TGFBRAP1: variants seen among roughly 807,000 people sequenced by gnomAD.
The protein encoded by TGFBRAP1 is transforming growth factor-beta receptor-associated protein 1.
Under a neutral mutation model 83.2 loss-of-function variants are expected in TGFBRAP1, and 20 were observed. The ratio of observed to expected loss-of-function variants is 0.24; its 90% CI spans 0.17 to 0.35. TGFBRAP1 has a LOEUF of 0.35. TGFBRAP1 is among the 10% of genes least tolerant of loss of function. The pLI is 1.00. For synonymous variants in TGFBRAP1, 415 were observed against 459.8 expected, an observed-to-expected ratio of 0.90 and a Z score of 1.25; for missense variants, 950 against 1,099.4, an observed-to-expected ratio of 0.86 and a Z score of 1.92.
chr2:105,316,731 T>C (rs1000684444), intron 1 of TGFBRAP1, among the ~76,000 whole-genome samples: 1 of 151,958 alleles, frequency 6.6e-6, no homozygotes, highest in Non-Finnish European at 1.5e-5. Flanking sequence ...GGAGAATCGT[T>C]TGAACCTGGG....
the TGFBRAP1 span, among the ~76,000 whole-genome samples, chr2:105,258,730 TACAC>T: frequency 0.088 from 12,321 of 140,476 alleles, 659 homozygotes; most frequent in African/African-American, 0.15. Context: ...TCCCCACCCC[TACAC>T]ACACACACAC....
chr2:105,285,388 T>C (rs1021536488), intron 4 of TGFBRAP1, among the ~76,000 whole-genome samples: 7 of 152,194 alleles, frequency 4.6e-5, no homozygotes, highest in African/African-American at 1.4e-4. Context: ...TCCACTTCCA[T>C]TGTCACTCAC....
In TGFBRAP1 at chr2:105,264,658, G is replaced by A. The variant is rs1676861227; in HGVS notation, c.*2725C>T. On this transcript the variant is annotated 3_prime_UTR_variant, in exon 12 of 12. Transcript: ENST00000393359. ...GCAGCCACCTGCCTGTGCTCCGGAAGTGAGAAGCACATGTAAGCACGCGTC... is the reference window on the plus strand; with the variant it reads ...GCAGCCACCTGCCTGTGCTCCGGAAATGAGAAGCACATGTAAGCACGCGTC... The A allele has an allele frequency of 1.3e-5, 2 of 152,296 alleles. No homozygotes were observed. The highest frequency in any genetic ancestry group is 6.5e-5 in the Admixed American group (1 of 15,294). 9.4% of individuals were successfully genotyped at this position (152,296 alleles called of 1,614,324 possible).
At chr2:105,274,045 A>G (rs2104319249) in intron 8 of TGFBRAP1, among the ~76,000 whole-genome samples, 1 of 152,348 alleles carries the variant, frequency 6.6e-6, no homozygotes, top group Admixed American at 6.5e-5. Flanking sequence ...TAATAATAAC[A>G]TTAAGATCAT....
chr2:105,260,751 G>GT (rs1270499860), downstream of TGFBRAP1, among the ~76,000 whole-genome samples: 1 of 152,078 alleles, frequency 6.6e-6, no homozygotes, highest in Non-Finnish European at 1.5e-5. Context: ...TAAACTTAAT[G>GT]TTATGTATAT....
the TGFBRAP1 span, among the ~76,000 whole-genome samples, chr2:105,251,824 C>T: frequency 6.7e-6 from 1 of 150,278 alleles, no homozygotes; most frequent in Non-Finnish European, 1.5e-5. Context: ...CCTTGGGATC[C>T]TGTTGATCTG....
chr2:105,298,751 G>A (rs775790517), intron 2 of TGFBRAP1, 46 bp from the exon 3 acceptor site: 6 of 1,508,686 alleles, frequency 4.0e-6, no homozygotes, highest in Non-Finnish European at 5.3e-6. Flanking sequence ...AATAAGCATG[G>A]TGTCATTTTC....
chr2:105,271,895 C>T (rs572930551), intron 10 of TGFBRAP1, among the ~76,000 whole-genome samples: 75 of 152,250 alleles, frequency 4.9e-4, no homozygotes, highest in African/African-American at 1.7e-3. Flanking sequence ...CTTCAGCTGT[C>T]GTACTAGCTA....
intron 4 of TGFBRAP1, among the ~76,000 whole-genome samples, chr2:105,290,615 CAGTGTGTGTGTGTG>C (rs1332268844): frequency 6.7e-5 from 7 of 103,784 alleles, no homozygotes; most frequent in South Asian, 3.2e-4. Flanking sequence ...AACAGAGAGA[CAGTGTGTGTGTGTG>C]TGTGTGTGTG....
intron 2 of TGFBRAP1, among the ~76,000 whole-genome samples, chr2:105,305,818 G>A (rs979652955): frequency 1.3e-5 from 2 of 151,926 alleles, no homozygotes; most frequent in African/African-American, 4.8e-5. Flanking sequence ...ACCACACCAG[G>A]CTAATTTTTG....
At chr2:105,271,007 C>T (rs1174953919) in intron 10 of TGFBRAP1, among the ~76,000 whole-genome samples, 1 of 152,250 alleles carries the variant, frequency 6.6e-6, no homozygotes, top group Non-Finnish European at 1.5e-5. Context: ...AGTGCTCCTC[C>T]CACAGTGCTG....
chr2:105,252,955 C>T, the TGFBRAP1 span, among the ~76,000 whole-genome samples: 1 of 151,836 alleles, frequency 6.6e-6, no homozygotes, highest in Admixed American at 6.6e-5. Context: ...GGGGTTTCAC[C>T]GTGTTAGCCA....
rs1022553709 is a variant in TGFBRAP1, at chr2:105,298,598, C to T, written c.796G>A (p.Glu266Lys). The T allele has an allele frequency of 3.1e-6, 5 of 1,613,974 alleles. No individual in the cohort carries two copies. Among genetic ancestry groups the T allele is most frequent in the African/African-American group, 2.7e-5 (2 of 74,926 alleles). The change falls in exon 3 of 12, where the codon GAA becomes AAA. Residue 266 changes from glutamate (E) to lysine (K), a missense_variant. Physicochemically the swap from Glu to Lys is moderately conservative, Grantham distance 56 (BLOSUM62 1). Coordinates refer to ENST00000393359, the MANE Select transcript of TGFBRAP1 (RefSeq NM_004257.6). ...SFPYVIALDD[E>K]FITVHSMLDQ... is the part of the protein sequence containing the mutation. ...AACATGCTGTGGACTGTGATGAATT[C>T]GTCATCGAGCGCTATGACGTATGGA...
At chr2:105,303,613 G>T (rs1678380010) in intron 2 of TGFBRAP1, among the ~76,000 whole-genome samples, 1 of 152,186 alleles carries the variant, frequency 6.6e-6, no homozygotes, top group South Asian at 2.1e-4. Context: ...CTGTAAGACA[G>T]AAGAGATCCC....
rs531977235 is a variant in TGFBRAP1 at position 105,306,585 on chromosome 2, G to A, written c.688+1029C>T. 1.2e-3 allele frequency among the ~76,000 whole-genome samples: 187 copies of A among 152,036 alleles called. 1 individual carries two copies. The highest frequency in any genetic ancestry group is 4.3e-3 in the African/African-American group (180 of 41,498). On this transcript the variant is annotated intron_variant, in intron 2 of 11. Transcript: ENST00000393359. ...GGCCGAGGTGGGTGGATCCCTTGAG[G>A]TCAGGAGTTCAAGACCAACCTGGCC...
At chr2:105,261,803 G>A (rs1053796490), downstream of TGFBRAP1, among the ~76,000 whole-genome samples, 4 of 152,120 alleles carry the variant, frequency 2.6e-5, no homozygotes, top group African/African-American at 9.7e-5. Flanking sequence ...GGAGGAAAAG[G>A]GGCAACTGAA....
At chr2:105,288,451 G>A (rs902457411) in intron 4 of TGFBRAP1, among the ~76,000 whole-genome samples, 2 of 152,184 alleles carry the variant, frequency 1.3e-5, no homozygotes, top group Non-Finnish European at 2.9e-5. Flanking sequence ...TGCAGACCTG[G>A]AGAAGGGAAA....
At chr2:105,316,462 T>TGCGC (rs764527678) in intron 1 of TGFBRAP1, among the ~76,000 whole-genome samples, 169 of 84,794 alleles carry the variant, frequency 2.0e-3, no homozygotes, top group South Asian at 3.7e-3. Flanking sequence ...TGTGTGTGTG[T>TGCGC]GCGCGCGCGC....
chr2:105,300,100 G>A (rs1678232903), intron 2 of TGFBRAP1, among the ~76,000 whole-genome samples: 1 of 152,158 alleles, frequency 6.6e-6, no homozygotes, highest in African/African-American at 2.4e-5. Flanking sequence ...GAGAAGGAGA[G>A]GGAACCATGT....
Sources: allele counts gnomAD v4.1 joint callset (sites outside exome capture counted in the v4.1 genomes callset), GRCh38; gene constraint gnomAD v4.1.1; transcripts MANE v1.5; gene names NCBI Gene and HGNC (gene_info 2026-07-23, HGNC 2026-07-21).